The following PRKD1 variants were observed in gnomAD, a reference collection of about 807,000 sequenced individuals.
The protein encoded by PRKD1 is protein kinase D1.
In PRKD1, 63 loss-of-function variants were observed where a neutral mutation model predicts 95.9. That is an observed-to-expected ratio of 0.66 (90% confidence interval 0.54 to 0.81). The LOEUF (loss-of-function observed/expected upper bound fraction) is 0.81, where lower values mean the gene tolerates loss of function less well. Among genes scored for constraint, PRKD1 ranks in the 30% least tolerant of loss-of-function variants. The pLI, the probability that PRKD1 is intolerant of heterozygous loss-of-function variation, is 0.00. For synonymous variants in PRKD1, 425 were observed against 423.1 expected (o/e 1.00, Z -0.05); for missense variants, 1,048 against 1,165.3 (o/e 0.90, Z 1.47).
At chr14:29,615,747 C>T (rs1878811032) in intron 13 of PRKD1, among the ~76,000 whole-genome samples, 1 of 152,144 alleles carries the variant, frequency 6.6e-6, no homozygotes, top group South Asian at 2.1e-4. Flanking sequence ...CAGCAAATCA[C>T]TTTGTATAAA....
chr14:29,779,641 C>T (rs1454755735), intron 1 of PRKD1, among the ~76,000 whole-genome samples: 8 of 152,070 alleles, frequency 5.3e-5, no homozygotes, highest in African/African-American at 1.9e-4. Flanking sequence ...TAAAAGAGGA[C>T]ACAAACAAAT....
chr14:29,700,150 C>A (rs374199342), intron 2 of PRKD1, among the ~76,000 whole-genome samples: 2 of 151,440 alleles, frequency 1.3e-5, no homozygotes, highest in African/African-American at 2.4e-5. Context: ...TGTCATTATA[C>A]CCCTACAAAT....
intron 7 of PRKD1, 95 bp from the exon 8 acceptor site, chr14:29,634,636 A>C (rs1880248910): frequency 6.7e-7 from 1 of 1,496,534 alleles, no homozygotes; most frequent in African/African-American, 1.4e-5. Flanking sequence ...TCCAAGTGAA[A>C]CTTTACAAAA....
chr14:29,853,013 C>T (rs117012778), intron 1 of PRKD1, among the ~76,000 whole-genome samples: 2,521 of 152,108 alleles, frequency 0.017, 30 homozygotes, highest in Non-Finnish European at 0.026. Flanking sequence ...TTGAAAAACA[C>T]AAGTAAACTG....
At chr14:29,916,248 G>A (rs2139130045) in intron 1 of PRKD1, among the ~76,000 whole-genome samples, 1 of 152,288 alleles carries the variant, frequency 6.6e-6, no homozygotes. Context: ...TGATGCTCAT[G>A]GAATTTCTAA....
intron 1 of PRKD1, among the ~76,000 whole-genome samples, chr14:29,926,949 A>G (rs1895321438): frequency 6.6e-6 from 1 of 151,644 alleles, no homozygotes; most frequent in Non-Finnish European, 1.5e-5. Flanking sequence ...GGGCGCGGCG[A>G]GGAAAGGGCA....
intron 1 of PRKD1, among the ~76,000 whole-genome samples, chr14:29,854,739 C>A (rs1892432765): frequency 6.6e-6 from 1 of 152,182 alleles, no homozygotes; most frequent in African/African-American, 2.4e-5. Context: ...CCATCACAGG[C>A]CCAGAGGCCT....
At chr14:29,595,977 A>C (rs959695773) in intron 16 of PRKD1, among the ~76,000 whole-genome samples, 2 of 152,216 alleles carry the variant, frequency 1.3e-5, no homozygotes, top group Non-Finnish European at 2.9e-5. Context: ...ACTTAATTAC[A>C]CTTTACTTTT....
intron 1 of PRKD1, among the ~76,000 whole-genome samples, chr14:29,810,464 T>C (rs1034086612): frequency 1.6e-4 from 25 of 152,240 alleles, no homozygotes; most frequent in Admixed American, 1.6e-3. Flanking sequence ...TCAATCTACA[T>C]TTACAAACTT....
intron 1 of PRKD1, among the ~76,000 whole-genome samples, chr14:29,858,359 T>C (rs1422282195): frequency 6.6e-6 from 1 of 152,214 alleles, no homozygotes; most frequent in African/African-American, 2.4e-5. Context: ...AAATTGTACA[T>C]GCTCAGTAAA....
intron 1 of PRKD1, among the ~76,000 whole-genome samples, chr14:29,792,414 GTTA>G (rs1218759727): frequency 6.6e-6 from 1 of 152,058 alleles, no homozygotes; most frequent in Non-Finnish European, 1.5e-5. Context: ...CTGCTTTGGT[GTTA>G]TTATCAAACA....
Position 29,578,329 on chromosome 14 carries a change from T to A in PRKD1, c.2466A>T (p.Val822=). The change falls in exon 17 of 18, where the codon GTA becomes GTT. Residue 822 remains valine (V), a synonymous_variant. Transcript: ENST00000331968. The part of the protein sequence containing the change: ...AIDLINNLLQ[V]KMRKRYSVDK... ...CCACACTGTAGCGCTTTCTCATTTT[T>A]ACTTGCAGCAAATTGTTGATAAGAT... is the stretch of plus-strand genomic sequence containing the variant. 6.2e-7 allele frequency: 1 copy of A among 1,611,184 alleles called. No individual in the cohort carries two copies. Among genetic ancestry groups the A allele is most frequent in the Non-Finnish European group, 8.5e-7 (1 of 1,178,784 alleles).
At chr14:29,590,081 T>A (rs1175702109) in intron 16 of PRKD1, among the ~76,000 whole-genome samples, 1 of 152,180 alleles carries the variant, frequency 6.6e-6, no homozygotes, top group African/African-American at 2.4e-5. Context: ...TTTGGAAATT[T>A]TTATAGCTAT....
At chr14:29,865,833 C>G (rs1197579089) in intron 1 of PRKD1, among the ~76,000 whole-genome samples, 4 of 152,158 alleles carry the variant, frequency 2.6e-5, no homozygotes. Flanking sequence ...TTCCACTTAC[C>G]TGGCTTCTCT....
intron 1 of PRKD1, among the ~76,000 whole-genome samples, chr14:29,906,924 T>A (rs1344467423): frequency 6.6e-6 from 1 of 152,268 alleles, no homozygotes; most frequent in Non-Finnish European, 1.5e-5. Context: ...TACCACTATA[T>A]TTTGTTTGTC....
chr14:29,619,244 CA>C (rs2139073783), intron 13 of PRKD1, among the ~76,000 whole-genome samples: 1 of 152,028 alleles, frequency 6.6e-6, no homozygotes, highest in Non-Finnish European at 1.5e-5. Flanking sequence ...TTTGTCTCTT[CA>C]GGTTCAAGAT....
chr14:29,841,108 G>T (rs907311936), intron 1 of PRKD1, among the ~76,000 whole-genome samples: 6 of 152,228 alleles, frequency 3.9e-5, no homozygotes, highest in Admixed American at 2.0e-4. Flanking sequence ...ATTTGGAATG[G>T]CTGAGTTTAT....
At chr14:29,886,421 C>G (rs1893707506) in intron 1 of PRKD1, among the ~76,000 whole-genome samples, 2 of 152,178 alleles carry the variant, frequency 1.3e-5, no homozygotes, top group Non-Finnish European at 2.9e-5. Context: ...ATGAGAAAAT[C>G]TCAGATGAAA....
At chr14:29,744,906 T>C (rs544784988) in intron 1 of PRKD1, among the ~76,000 whole-genome samples, 12 of 152,256 alleles carry the variant, frequency 7.9e-5, no homozygotes, top group African/African-American at 2.6e-4. Flanking sequence ...CCTTCACACA[T>C]AGAATCATCC....
Sources: gnomAD v4.1 joint callset for allele counts (sites outside exome capture counted in the v4.1 genomes callset) on GRCh38, gnomAD v4.1.1 for gene constraint, MANE v1.5 for transcripts, NCBI Gene and HGNC (gene_info 2026-07-23, HGNC 2026-07-21) for gene names.